RPS6KA5: variants seen among roughly 807,000 people sequenced by gnomAD.
RPS6KA5 encodes ribosomal protein S6 kinase A5.
Under a neutral mutation model 85.5 loss-of-function variants are expected in RPS6KA5, and 27 were observed. The observed-to-expected ratio is 0.32, with a 90% CI of 0.23 to 0.44. The LOEUF is 0.44. RPS6KA5 is among the 20% of genes least tolerant of loss of function. The pLI, the probability that RPS6KA5 is intolerant of heterozygous loss-of-function variation, is 1.00. For missense variants in RPS6KA5, 811 were observed against 980.9 expected, an observed-to-expected ratio of 0.83 and a Z score of 2.31; for synonymous variants, 334 against 348.2, an observed-to-expected ratio of 0.96 and a Z score of 0.46.
chr14:90,889,446 A>G (rs1182143246), intron 14 of RPS6KA5, among the ~76,000 whole-genome samples: 3 of 152,196 alleles, frequency 2.0e-5, no homozygotes, highest in African/African-American at 7.2e-5. Flanking sequence ...CTGATAGCCA[A>G]TGTACTCCCA....
chr14:90,926,884 TGCAAGAA>T (rs1179745790), intron 5 of RPS6KA5, among the ~76,000 whole-genome samples: 2 of 152,022 alleles, frequency 1.3e-5, no homozygotes, highest in Admixed American at 6.6e-5. Flanking sequence ...AAAACTCAGA[TGCAAGAA>T]GCAAGAATAA....
At chr14:91,014,518 A>C (rs1006199931) in intron 1 of RPS6KA5, among the ~76,000 whole-genome samples, 1 of 151,688 alleles carries the variant, frequency 6.6e-6, no homozygotes, top group South Asian at 2.1e-4. Flanking sequence ...AAAAAAAACA[A>C]AAAACAAAAA....
rs144643965 is a variant in RPS6KA5 at position 91,009,129 on chromosome 14, T to C, written c.104-7970A>G. On this transcript the variant is annotated intron_variant, in intron 1 of 16. Coordinates refer to ENST00000614987, the MANE Select transcript of RPS6KA5 (RefSeq NM_004755.4). ...ATTGGCCCCTGCTATGGTGTGAATG[T>C]TTCTCCTCAAAATTGTATGTTGAAA... 5.0e-3 allele frequency among the ~76,000 whole-genome samples: 761 copies of C among 152,346 alleles called. 4 individuals carry two copies. Among genetic ancestry groups the C allele is most frequent in the Non-Finnish European group, 6.8e-3 (463 of 68,024 alleles).
chr14:90,927,262 T>C (rs2036724849), intron 5 of RPS6KA5, among the ~76,000 whole-genome samples: 1 of 151,784 alleles, frequency 6.6e-6, no homozygotes, highest in Non-Finnish European at 1.5e-5. Context: ...TAGGCGGACA[T>C]GAAATCAAAA....
chr14:90,960,588 C>T (rs960416712), intron 3 of RPS6KA5, among the ~76,000 whole-genome samples: 8 of 152,164 alleles, frequency 5.3e-5, no homozygotes, highest in African/African-American at 1.7e-4. Flanking sequence ...TACATTTCCT[C>T]ATATAAAATA....
At chr14:90,935,764 C>A (rs150089432) in intron 5 of RPS6KA5, among the ~76,000 whole-genome samples, 53 of 152,268 alleles carry the variant, frequency 3.5e-4, no homozygotes, top group African/African-American at 1.2e-3. Flanking sequence ...TTCTTCTGAA[C>A]CTTAAAGTTG....
At chr14:90,944,904 C>T (rs1566774801) in intron 4 of RPS6KA5, among the ~76,000 whole-genome samples, 1 of 151,364 alleles carries the variant, frequency 6.6e-6, no homozygotes, top group Non-Finnish European at 1.5e-5. Context: ...AGAGCGAGAC[C>T]ATATGTCTAT....
At chr14:90,953,331 T>C (rs768160678) in intron 3 of RPS6KA5, among the ~76,000 whole-genome samples, 9 of 152,242 alleles carry the variant, frequency 5.9e-5, no homozygotes, top group Non-Finnish European at 1.2e-4. Context: ...TAATTTCTTA[T>C]ACGTGTCTTA....
chr14:90,869,876 C>T lies in RPS6KA5; in HGVS notation c.*2198G>A, dbSNP rs987461863. The T allele has an allele frequency of 6.6e-6, 1 of 152,126 alleles. No homozygotes were observed. Among genetic ancestry groups the T allele is most frequent in the African/African-American group, 2.4e-5 (1 of 41,416 alleles). The allele number at this position is 152,126 out of a possible 1,614,324, so 9.4% of individuals were successfully genotyped here. A position where few individuals can be genotyped will look rare whatever the true frequency, so the allele number is the denominator to read the frequency against. ...TGTTTGTTAAGGTCTTTTCAAAAGCCCATTTGAGATTATTCAGGCAGGCTC... is the reference window on the plus strand; with the variant it reads ...TGTTTGTTAAGGTCTTTTCAAAAGCTCATTTGAGATTATTCAGGCAGGCTC... On this transcript the variant is annotated 3_prime_UTR_variant, in exon 17 of 17. Coordinates refer to ENST00000614987, the MANE Select transcript of RPS6KA5 (RefSeq NM_004755.4).
At chr14:90,995,189 C>T (rs2040467501) in intron 2 of RPS6KA5, among the ~76,000 whole-genome samples, 2 of 152,030 alleles carry the variant, frequency 1.3e-5, no homozygotes, top group African/African-American at 4.8e-5. Context: ...CAACGCCTGG[C>T]TAATTTTTGT....
intron 9 of RPS6KA5, among the ~76,000 whole-genome samples, chr14:90,901,671 A>G (rs2035178513): frequency 6.6e-6 from 1 of 152,228 alleles, no homozygotes; most frequent in African/African-American, 2.4e-5. Flanking sequence ...AGCAAAGAAG[A>G]AAAGACACCG....
intron 8 of RPS6KA5, among the ~76,000 whole-genome samples, chr14:90,905,396 A>T (rs1409190839): frequency 6.6e-6 from 1 of 152,212 alleles, no homozygotes; most frequent in East Asian, 1.9e-4. Context: ...TACTGATATG[A>T]TGAAGTTATT....
At chr14:90,960,365 T>C (rs1333167716) in intron 3 of RPS6KA5, among the ~76,000 whole-genome samples, 2 of 152,172 alleles carry the variant, frequency 1.3e-5, no homozygotes, top group Non-Finnish European at 2.9e-5. Context: ...AGGGATATCG[T>C]TAAATTTGAG....
chr14:90,872,211 T>C lies in RPS6KA5; in HGVS notation c.2272A>G (p.Ser758Gly). 2 of 1,614,024 alleles carry C rather than the reference T, an allele frequency of 1.2e-6. No individual in the cohort carries two copies. The highest frequency in any genetic ancestry group is 1.1e-5 in the South Asian group (1 of 91,060). ...KTSTSTETRS[S>G]SSESSHSSSS... ...GAAGAATGGGAACTCTCACTGGAAC[T>C]GCTGCGCGTCTCGGTACTGGTGCTA... is the stretch of plus-strand genomic sequence containing the variant. Residue 758 changes from serine (S) to glycine (G), a missense_variant, in exon 17 of 17, where the codon AGT becomes GGT. This residue lies in a region of RPS6KA5 where 650 missense variants were observed against 793.4 expected (regional missense o/e 0.82). Coordinates refer to ENST00000614987, the MANE Select transcript of RPS6KA5 (RefSeq NM_004755.4).
intron 3 of RPS6KA5, among the ~76,000 whole-genome samples, chr14:90,977,898 T>C (rs2039634470): frequency 1.3e-5 from 2 of 152,012 alleles, no homozygotes; most frequent in Non-Finnish European, 2.9e-5. Context: ...CTACTTAAAA[T>C]ACAAAAATTA....
At position 90,857,867 on chromosome 14, in the gene RPS6KA5, T is replaced by C. The variant is rs2032361976; in HGVS notation, c.*14207A>G. The C allele has an allele frequency of 6.6e-6, 1 of 152,178 alleles. No homozygotes were observed. 9.4% of individuals were successfully genotyped at this position (152,178 alleles called of 1,614,324 possible). On this transcript the variant is annotated 3_prime_UTR_variant, in exon 17 of 17. Transcript: ENST00000614987. ...CTTATCTTAAATATTGTTATATTGC[T>C]TGTGTCTAGAGTAATACCTGGCCTG...
At chr14:91,047,193 G>A (rs1199658155) in intron 1 of RPS6KA5, among the ~76,000 whole-genome samples, 1 of 152,204 alleles carries the variant, frequency 6.6e-6, no homozygotes, top group East Asian at 1.9e-4. Context: ...CAGAAAAGAT[G>A]TAAGGCAAAT....
At chr14:90,966,458 A>G (rs1452431971) in intron 3 of RPS6KA5, among the ~76,000 whole-genome samples, 2 of 152,222 alleles carry the variant, frequency 1.3e-5, no homozygotes, top group Non-Finnish European at 2.9e-5. Flanking sequence ...ATGTTTGAGT[A>G]GGGGGAAGAA....
At position 91,007,108 on chromosome 14, in the gene RPS6KA5, G is replaced by C. The variant is rs113135144; in HGVS notation, c.104-5949C>G. Among the ~76,000 whole-genome samples the C allele has an allele frequency of 4.2e-3, 645 of 152,290 alleles. 4 individuals are homozygous for C. Among genetic ancestry groups the C allele is most frequent in the African/African-American group, 0.014 (595 of 41,560 alleles). On this transcript the variant is annotated intron_variant, in intron 1 of 16. Transcript: ENST00000614987. ...GCAGATGGATCACTCATGACTCTGA[G>C]GGAAAAGAGGGGCCTGGGAGAGCAG... is the stretch of plus-strand genomic sequence containing the variant.
Sources: gnomAD v4.1 joint callset for allele counts (sites outside exome capture counted in the v4.1 genomes callset) on GRCh38, gnomAD v4.1.1 for gene constraint, gnomAD v4.1.1 regional missense constraint, MANE v1.5 for transcripts, NCBI Gene and HGNC (gene_info 2026-07-23, HGNC 2026-07-21) for gene names.